Variants in CYP4Z1 observed in about 807,000 individuals in gnomAD.
CYP4Z1 encodes the protein cytochrome P450 family 4 subfamily Z member 1.
Under a neutral mutation model 54.2 loss-of-function variants are expected in CYP4Z1, and 41 were observed. The ratio of observed to expected loss-of-function variants is 0.76; its 90% CI spans 0.59 to 0.98. The LOEUF (loss-of-function observed/expected upper bound fraction) is 0.98. CYP4Z1 is among the 50% of genes least tolerant of loss of function. The probability of loss-of-function intolerance (pLI) is 0.00; values close to 1 mark genes in which losing one functional copy is unlikely to be tolerated. For synonymous variants in CYP4Z1, 163 were observed against 206.2 expected (o/e 0.79, Z 1.79); for missense variants, 513 against 599.0 (o/e 0.86, Z 1.50).
rs1502914 is a variant in CYP4Z1 at position 47,067,760 on chromosome 1, G to T, written c.177+93G>T. The stretch of plus-strand genomic sequence containing the variant: ...AGACTGGTGGGGCATTATGTAATAT[G>T]CAAAATGCTTTCACACCAATCTCAT... On this transcript the variant is annotated intron_variant, in intron 1 of 11. Transcript: ENST00000334194. 1,479 of 1,195,166 alleles carry T rather than the reference G, an allele frequency of 1.2e-3. 42 individuals are homozygous for T. The Admixed American group carries it at 0.036, about 29-fold the overall frequency. The allele number at this position is 1,195,166 out of a possible 1,614,324, so 74.0% of individuals were successfully genotyped here.
chr1:47,089,007 C>T (rs990009167), intron 6 of CYP4Z1, among the ~76,000 whole-genome samples: 60 of 149,474 alleles, frequency 4.0e-4, no homozygotes, highest in Non-Finnish European at 3.5e-4. Context: ...GCATTTAAAC[C>T]ACTTATATTT....
In CYP4Z1 at chr1:47,088,556, T is replaced by C. The variant is rs1644614616; in HGVS notation, c.772+3578T>C. ...TGGTGGTGACATCCCTTTATCATTT[T>C]TTTTTCGTCTATTTGATTCTTCAAA... On this transcript the variant is annotated intron_variant, in intron 6 of 11. Transcript: ENST00000334194. Among the ~76,000 whole-genome samples, 3 of 151,988 alleles carry C rather than the reference T, an allele frequency of 2.0e-5. No homozygotes were observed. In the South Asian group the frequency reaches 6.3e-4, roughly 32 times the overall value.
the CYP4Z1 span, among the ~76,000 whole-genome samples, chr1:47,056,691 T>C: frequency 1.3e-5 from 2 of 152,316 alleles, no homozygotes; most frequent in East Asian, 3.9e-4. Flanking sequence ...TCTTTGTCTC[T>C]TTTGATTTTT....
chr1:47,076,637 A>G (rs1287846771), intron 2 of CYP4Z1, among the ~76,000 whole-genome samples: 1 of 151,736 alleles, frequency 6.6e-6, no homozygotes, highest in African/African-American at 2.4e-5. Context: ...TGAGGTCAGG[A>G]GATCGAGACC....
At chr1:47,082,730 G>T (rs559110115) in intron 4 of CYP4Z1, among the ~76,000 whole-genome samples, 4 of 151,566 alleles carry the variant, frequency 2.6e-5, no homozygotes, top group South Asian at 2.1e-4. Flanking sequence ...TACATTTGGA[G>T]AACACAAGGC....
chr1:47,092,204 G>A (rs1435158331), intron 6 of CYP4Z1, among the ~76,000 whole-genome samples: 5 of 151,900 alleles, frequency 3.3e-5, no homozygotes, highest in African/African-American at 9.7e-5. Context: ...ATGCCACACC[G>A]ATAGAAACTA....
chr1:47,117,219 C>G (rs1246841814), intron 11 of CYP4Z1, among the ~76,000 whole-genome samples: 4 of 152,082 alleles, frequency 2.6e-5, no homozygotes, highest in African/African-American at 9.7e-5. Flanking sequence ...AACTGCACAG[C>G]CTCTAAATAA....
chr1:47,096,313 A>T (rs1644676425), intron 7 of CYP4Z1, among the ~76,000 whole-genome samples: 1 of 152,168 alleles, frequency 6.6e-6, no homozygotes, highest in Non-Finnish European at 1.5e-5. Flanking sequence ...GCTACTCTGG[A>T]GACTGAGGTG....
intron 2 of CYP4Z1, among the ~76,000 whole-genome samples, chr1:47,069,344 G>A (rs1569696372): frequency 6.6e-6 from 1 of 152,208 alleles, no homozygotes. Flanking sequence ...TGGCATATAA[G>A]GCTGGCCTTC....
intron 10 of CYP4Z1, among the ~76,000 whole-genome samples, chr1:47,116,117 C>G (rs1449123345): frequency 2.0e-5 from 3 of 152,122 alleles, no homozygotes; most frequent in Non-Finnish European, 4.4e-5. Context: ...AACCAGCGCT[C>G]AGACCAACCC....
At chr1:47,116,966 G>A (rs544248334) in intron 11 of CYP4Z1, among the ~76,000 whole-genome samples, 20 of 152,304 alleles carry the variant, frequency 1.3e-4, no homozygotes, top group African/African-American at 3.8e-4. Flanking sequence ...GTGAATTGAT[G>A]AAGGCCATCC....
At chr1:47,101,813 T>C (rs1644723968) in intron 8 of CYP4Z1, among the ~76,000 whole-genome samples, 1 of 152,068 alleles carries the variant, frequency 6.6e-6, no homozygotes, top group African/African-American at 2.4e-5. Context: ...AATTAATAAA[T>C]TTATAAAGAA....
At chr1:47,112,055 A>C (rs1644795764) in intron 9 of CYP4Z1, among the ~76,000 whole-genome samples, 1 of 152,184 alleles carries the variant, frequency 6.6e-6, no homozygotes, top group Admixed American at 6.5e-5. Flanking sequence ...ACTGGAAATA[A>C]ATCAGTTGGG....
chr1:47,093,949 A>G (rs1042487775), intron 6 of CYP4Z1, among the ~76,000 whole-genome samples: 8 of 152,210 alleles, frequency 5.3e-5, no homozygotes, highest in Non-Finnish European at 8.8e-5. Context: ...GAACTTTGTC[A>G]TCTACAAAGA....
intron 8 of CYP4Z1, among the ~76,000 whole-genome samples, chr1:47,100,434 C>G (rs1040209156): frequency 1.3e-5 from 2 of 152,188 alleles, no homozygotes; most frequent in Non-Finnish European, 2.9e-5. Context: ...TGATGCCATT[C>G]TGAGTAGCAT....
chr1:47,109,316 T>C (rs183932506), intron 9 of CYP4Z1, among the ~76,000 whole-genome samples: 2 of 152,070 alleles, frequency 1.3e-5, no homozygotes, highest in African/African-American at 4.8e-5. Context: ...TAAAAGGCAA[T>C]GAGAGGGTGG....
intron 10 of CYP4Z1, 63 bp from the exon 11 acceptor site, chr1:47,116,587 G>GT: frequency 3.5e-6 from 4 of 1,141,312 alleles, no homozygotes; most frequent in South Asian, 3.2e-5. Flanking sequence ...TTTTGTTTTT[G>GT]TTTTTGTTTT....
intron 8 of CYP4Z1, among the ~76,000 whole-genome samples, chr1:47,105,649 T>C (rs1644751371): frequency 6.6e-6 from 1 of 152,176 alleles, no homozygotes. Flanking sequence ...CCTTAGATGA[T>C]CTATTTGAAG....
At chr1:47,101,669 C>A (rs970202225) in intron 8 of CYP4Z1, among the ~76,000 whole-genome samples, 27 of 152,048 alleles carry the variant, frequency 1.8e-4, no homozygotes, top group African/African-American at 4.8e-4. Context: ...TCCTAACATA[C>A]AGTCTATACT....
Sources: allele counts gnomAD v4.1 joint callset (sites outside exome capture counted in the v4.1 genomes callset), GRCh38; gene constraint gnomAD v4.1.1; transcripts MANE v1.5; gene names NCBI Gene and HGNC (gene_info 2026-07-23, HGNC 2026-07-21).